The following ITGA9 variants were observed in gnomAD, a reference collection of about 807,000 sequenced individuals.
The protein encoded by ITGA9 is integrin alpha-9.
A neutral mutation model predicts 127.8 loss-of-function variants in ITGA9; 56 were observed. That is an observed-to-expected ratio of 0.44 (90% CI 0.35 to 0.55). The LOEUF (loss-of-function observed/expected upper bound fraction) is 0.55, where lower values mean the gene tolerates loss of function less well. ITGA9 is among the 20% of genes least tolerant of loss of function. The probability of loss-of-function intolerance (pLI) is 0.00; values close to 1 mark genes in which losing one functional copy is unlikely to be tolerated. For missense variants in ITGA9, 1,196 were observed against 1,347.1 expected (o/e 0.89, Z 1.76); for synonymous variants, 508 against 514.5 (o/e 0.99, Z 0.17).
intron 20 of ITGA9, among the ~76,000 whole-genome samples, chr3:37,738,730 C>T (rs1696396272): frequency 6.6e-6 from 1 of 152,198 alleles, no homozygotes; most frequent in Non-Finnish European, 1.5e-5. Context: ...TTGGTCCTTC[C>T]ACACCTGAGG....
At chr3:37,679,408 A>G (rs1340803997) in intron 17 of ITGA9, among the ~76,000 whole-genome samples, 1 of 152,178 alleles carries the variant, frequency 6.6e-6, no homozygotes, top group East Asian at 1.9e-4. Context: ...TTTCTTGCCA[A>G]AGCCCTTCCC....
rs60763846 is a variant in ITGA9 at position 37,512,120 on chromosome 3, C to CTTTTCT, written c.898-1640_898-1639insTCTTTT. 6.8e-4 allele frequency among the ~76,000 whole-genome samples: 27 copies of CTTTTCT among 39,454 alleles called. 1 individual carries two copies. Among genetic ancestry groups the CTTTTCT allele is most frequent in the East Asian group, 1.9e-3 (3 of 1,594 alleles). 25.9% of individuals were successfully genotyped at this position (39,454 alleles called of 152,430 possible). ...TCCTTCCTTCCTTCCTTCCTTCCTT[C>CTTTTCT]TTTCTTTTCTTTTCTTTTCTTTTCT... On this transcript the variant is annotated intron_variant, in intron 8 of 27. Transcript: ENST00000264741.
intron 26 of ITGA9, among the ~76,000 whole-genome samples, chr3:37,797,165 AAAT>A (rs928994885): frequency 6.6e-6 from 1 of 152,034 alleles, no homozygotes; most frequent in African/African-American, 2.4e-5. Flanking sequence ...CTATCTCTAC[AAAT>A]AATAATAATA....
At chr3:37,707,753 A>G (rs1218639071) in intron 18 of ITGA9, among the ~76,000 whole-genome samples, 1 of 152,098 alleles carries the variant, frequency 6.6e-6, no homozygotes, top group Non-Finnish European at 1.5e-5. Context: ...CTCTCTACTA[A>G]TGTTTTCACC....
intron 15 of ITGA9, among the ~76,000 whole-genome samples, chr3:37,601,576 A>G (rs1008509192): frequency 6.6e-6 from 1 of 152,194 alleles, no homozygotes; most frequent in Admixed American, 6.5e-5. Context: ...AGCAACTTAC[A>G]TGTAGACATT....
intron 23 of ITGA9, among the ~76,000 whole-genome samples, chr3:37,761,898 T>C (rs1241946716): frequency 6.6e-6 from 1 of 152,224 alleles, no homozygotes. Context: ...CTCTGTATGC[T>C]CTAAAAACAG....
rs769351703 is a variant in ITGA9, at chr3:37,542,512, T to C, written c.1616T>C (p.Met539Thr). Residue 539 changes from methionine to threonine, a missense_variant, in exon 15 of 28, where the codon ATG becomes ACG. Coordinates refer to ENST00000264741, the MANE Select transcript of ITGA9 (RefSeq NM_002207.3). ...TACTTTGTGCTGCTGGGAGAGACCA[T>C]GGGTCAGGTCACAGAGAAGCTGCAG... The part of the protein sequence containing the change: ...RVYFVLLGET[M>T]GQVTEKLQLT... The C allele has an allele frequency of 9.3e-6, 15 of 1,614,006 alleles. No homozygotes were observed. In the African/African-American group the frequency reaches 2.0e-4, roughly 22 times the overall value.
chr3:37,653,938 T>C (rs1700452558), intron 17 of ITGA9, 148 bp downstream of exon 17: 1 of 673,352 alleles, frequency 1.5e-6, no homozygotes, highest in South Asian at 1.7e-5. Context: ...AAAAAATGTA[T>C]GTTACAAAAT....
intron 9 of ITGA9, 48 bp from the exon 10 acceptor site, chr3:37,517,456 G>C (rs758633798): frequency 1.5e-6 from 2 of 1,344,160 alleles, no homozygotes; most frequent in Non-Finnish European, 2.1e-6. Flanking sequence ...TGTTTGTTCT[G>C]TTTGTTTTTG....
At chr3:37,582,489 C>G (rs1247794068) in intron 15 of ITGA9, among the ~76,000 whole-genome samples, 1 of 152,220 alleles carries the variant, frequency 6.6e-6, no homozygotes, top group Non-Finnish European at 1.5e-5. Flanking sequence ...CTACCTCCAA[C>G]CCCATTCCAA....
In ITGA9 at chr3:37,453,461, G is replaced by C. The variant is rs555796173; in HGVS notation, c.185+902G>C. On this transcript the variant is annotated intron_variant, in intron 1 of 27. Transcript: ENST00000264741. ...CCAACCCCAGCAGAGAAGCACTAAG[G>C]GGGGGTTGGTGCCCTCCTTGGCCAC... Among the ~76,000 whole-genome samples the C allele has an allele frequency of 1.2e-4, 18 of 152,318 alleles. No individual in the cohort carries two copies. In the East Asian group the frequency reaches 3.1e-3, roughly 26 times the overall value.
At chr3:37,623,270 A>C (rs1269240314) in intron 15 of ITGA9, among the ~76,000 whole-genome samples, 1 of 152,234 alleles carries the variant, frequency 6.6e-6, no homozygotes, top group African/African-American at 2.4e-5. Flanking sequence ...TACAGTAAAC[A>C]TACCTCAATA....
chr3:37,716,333 A>C (rs1183809115), intron 18 of ITGA9, among the ~76,000 whole-genome samples: 1 of 152,134 alleles, frequency 6.6e-6, no homozygotes, highest in Non-Finnish European at 1.5e-5. Context: ...GATGGTATGC[A>C]GCCAGTCCAG....
chr3:37,566,942 C>G (rs916205183), intron 15 of ITGA9, among the ~76,000 whole-genome samples: 6 of 152,104 alleles, frequency 3.9e-5, no homozygotes, highest in Non-Finnish European at 7.4e-5. Context: ...TGTGACATTC[C>G]ATGTTGATGT....
chr3:37,471,629 C>A (rs1340650342), intron 2 of ITGA9, among the ~76,000 whole-genome samples: 3 of 152,146 alleles, frequency 2.0e-5, no homozygotes, highest in African/African-American at 7.2e-5. Context: ...TGGGGCCAGG[C>A]CACGTGGGGC....
intron 1 of ITGA9, among the ~76,000 whole-genome samples, chr3:37,462,102 T>A (rs1698321720): frequency 6.6e-6 from 1 of 152,248 alleles, no homozygotes; most frequent in Non-Finnish European, 1.5e-5. Context: ...AGTGTTCACT[T>A]GCTGCTTTCA....
chr3:37,704,868 T>C (rs1293759793), intron 18 of ITGA9, among the ~76,000 whole-genome samples: 2 of 152,244 alleles, frequency 1.3e-5, no homozygotes, highest in African/African-American at 4.8e-5. Context: ...CATCTGTGAT[T>C]TTCATGGGAT....
At chr3:37,704,295 G>A (rs1318707848) in intron 18 of ITGA9, among the ~76,000 whole-genome samples, 2 of 150,880 alleles carry the variant, frequency 1.3e-5, no homozygotes, top group African/African-American at 2.4e-5. Flanking sequence ...CTCCCCACCA[G>A]CCTCCCCTGG....
chr3:37,623,942 C>G (rs370713096), intron 15 of ITGA9, among the ~76,000 whole-genome samples: 1 of 152,056 alleles, frequency 6.6e-6, no homozygotes, highest in East Asian at 1.9e-4. Context: ...ACAAGATTAT[C>G]ATAGGTGAAA....
Sources: gnomAD v4.1 joint callset for allele counts (sites outside exome capture counted in the v4.1 genomes callset) on GRCh38, gnomAD v4.1.1 for gene constraint, MANE v1.5 for transcripts, NCBI Gene and HGNC (gene_info 2026-07-23, HGNC 2026-07-21) for gene names.